Variants in ST7 observed in about 807,000 individuals in gnomAD.
The protein encoded by ST7 is suppression of tumorigenicity 7.
ST7 carries 28 observed loss-of-function variants against 78.7 expected under a neutral mutation model. That is an observed-to-expected ratio of 0.36 (90% CI 0.26 to 0.49). The LOEUF (loss-of-function observed/expected upper bound fraction) is 0.49, where lower values mean the gene tolerates loss of function less well. ST7 is among the 20% of genes least tolerant of loss of function. The probability of loss-of-function intolerance (pLI) is 0.99; values close to 1 mark genes in which losing one functional copy is unlikely to be tolerated. For missense variants in ST7, 418 were observed against 696.0 expected (o/e 0.60, Z 4.49); for synonymous variants, 247 against 249.6 (o/e 0.99, Z 0.10).
At chr7:116,974,718 T>C (rs1329944616) in intron 1 of ST7, among the ~76,000 whole-genome samples, 1 of 152,240 alleles carries the variant, frequency 6.6e-6, no homozygotes, top group Non-Finnish European at 1.5e-5. Context: ...GCATTCATGA[T>C]GACAGTATAT....
rs1267338765 is a variant in ST7 at position 116,965,952 on chromosome 7, T to C, written c.151+12261T>C. 8 of 326,974 alleles carry C rather than the reference T, an allele frequency of 2.4e-5. No homozygotes were observed. The East Asian group carries it at 6.4e-4, about 26-fold the overall frequency. The allele number at this position is 326,974 out of a possible 1,614,324, so 20.3% of individuals were successfully genotyped here. A position where few individuals can be genotyped will look rare whatever the true frequency, so the allele number is the denominator to read the frequency against. ...GGATCTAGCAGGGGAAATGTAGTTG[T>C]ATAGTAGTGGTCACAGGCAAGAGAT... On this transcript the variant is annotated intron_variant, in intron 1 of 15. Coordinates refer to ENST00000323984, the MANE Select transcript of ST7 (RefSeq NM_001369598.1).
chr7:117,003,246 C>T (rs1795020784), intron 1 of ST7, among the ~76,000 whole-genome samples: 1 of 151,710 alleles, frequency 6.6e-6, no homozygotes, highest in South Asian at 2.1e-4. Flanking sequence ...ATCTTTCCAT[C>T]TCAGCCTCCC....
chr7:117,171,030 C>T, intron 10 of ST7, 54 bp downstream of exon 10: 2 of 1,240,904 alleles, frequency 1.6e-6, no homozygotes, highest in Non-Finnish European at 1.1e-6. Flanking sequence ...GATGTATTTT[C>T]CCTGATTAGA....
intron 1 of ST7, among the ~76,000 whole-genome samples, chr7:117,027,845 A>G (rs1279686588): frequency 6.6e-6 from 1 of 152,220 alleles, no homozygotes; most frequent in African/African-American, 2.4e-5. Context: ...TCAGTTGACA[A>G]TAAATCCCCA....
intron 9 of ST7, among the ~76,000 whole-genome samples, chr7:117,148,072 A>G (rs976449589): frequency 1.3e-5 from 2 of 152,200 alleles, no homozygotes; most frequent in Admixed American, 6.5e-5. Context: ...CAAATCTCAT[A>G]TATCAGCTTA....
intron 2 of ST7, among the ~76,000 whole-genome samples, chr7:117,114,138 A>C (rs1802657942): frequency 6.6e-6 from 1 of 152,076 alleles, no homozygotes; most frequent in African/African-American, 2.4e-5. Flanking sequence ...GTGGCTGCAG[A>C]GGGATTGGCT....
chr7:116,983,249 G>A (rs572616569), intron 1 of ST7, among the ~76,000 whole-genome samples: 223 of 152,272 alleles, frequency 1.5e-3, no homozygotes, highest in African/African-American at 5.1e-3. Flanking sequence ...GAAATTATAA[G>A]TTCATATTGA....
intron 1 of ST7, among the ~76,000 whole-genome samples, chr7:116,956,178 G>A (rs536826826): frequency 1.3e-4 from 20 of 152,352 alleles, no homozygotes; most frequent in African/African-American, 3.8e-4. Flanking sequence ...TTAAGTAACA[G>A]TGAGAAGTTA....
rs540366353 is a variant in ST7 at position 117,135,060 on chromosome 7, G to A, written c.710+868G>A. ...CTGTTTATTTTCTCTCTTGTGGTCT[G>A]ATGGAAATAAGTAGGGAAATGGCCA... On this transcript the variant is annotated intron_variant, in intron 7 of 15. Transcript: ENST00000323984. Among the ~76,000 whole-genome samples the A allele has an allele frequency of 2.6e-5, 4 of 152,168 alleles. No homozygotes were observed. In the South Asian group the frequency reaches 8.3e-4, roughly 32 times the overall value.
At chr7:117,065,204 C>CTT (rs11363365) in intron 1 of ST7, among the ~76,000 whole-genome samples, 19 of 91,774 alleles carry the variant, frequency 2.1e-4, no homozygotes, top group South Asian at 4.1e-4. Context: ...TGGTTCAAGT[C>CTT]TTTTTTTTTT....
chr7:117,036,700 C>CATGGTATGATATATCATATACAT (rs1796914673), intron 1 of ST7, among the ~76,000 whole-genome samples: 1 of 152,080 alleles, frequency 6.6e-6, no homozygotes, highest in Non-Finnish European at 1.5e-5. Flanking sequence ...ATCATATTCC[C>CATGGTATGATATATCATATACAT]ATGGTATGAT....
chr7:117,148,357 G>A (rs1266016763), intron 9 of ST7, among the ~76,000 whole-genome samples: 15 of 152,042 alleles, frequency 9.9e-5, no homozygotes, highest in Admixed American at 9.8e-4. Flanking sequence ...CTGGTTTATT[G>A]TTGTCTAAAT....
At chr7:117,141,603 G>A (rs1042995033) in intron 9 of ST7, among the ~76,000 whole-genome samples, 1 of 152,158 alleles carries the variant, frequency 6.6e-6, no homozygotes, top group African/African-American at 2.4e-5. Context: ...ACTGCTGAAG[G>A]AATATTTTGG....
chr7:117,190,994 A>G lies in ST7; in HGVS notation c.1254+58A>G. On this transcript the variant is annotated intron_variant, in intron 12 of 15. Coordinates refer to ENST00000323984, the MANE Select transcript of ST7 (RefSeq NM_001369598.1). The surrounding 1 kb of genome is among the most constrained non-coding windows in gnomAD (Gnocchi z 5.2). Reference sequence around the variant, plus strand: ...ATGATAGCAGAGAAAGCATTCATTGACCACAGTGTTGTATCTCAAGTACAC... The same window carrying G: ...ATGATAGCAGAGAAAGCATTCATTGGCCACAGTGTTGTATCTCAAGTACAC... 3 of 1,365,108 alleles carry G rather than the reference A, an allele frequency of 2.2e-6. No homozygotes were observed. Among genetic ancestry groups the G allele is most frequent in the Non-Finnish European group, 3.1e-6 (3 of 954,658 alleles). The allele number at this position is 1,365,108 out of a possible 1,614,324, so 84.6% of individuals were successfully genotyped here.
intron 13 of ST7, among the ~76,000 whole-genome samples, chr7:117,211,685 G>T (rs3757812): frequency 6.6e-6 from 1 of 151,826 alleles, no homozygotes; most frequent in Non-Finnish European, 1.5e-5. Flanking sequence ...TAGAAAAATG[G>T]CATCACCATA....
At chr7:117,166,890 C>CAA (rs34604154) in intron 9 of ST7, among the ~76,000 whole-genome samples, 5,359 of 120,892 alleles carry the variant, frequency 0.044, 362 homozygotes, top group African/African-American at 0.15. Flanking sequence ...CTCTGTCTCT[C>CAA]AAAAAAAAAA....
chr7:117,208,107 T>G (rs1791947032), intron 12 of ST7, among the ~76,000 whole-genome samples: 1 of 152,136 alleles, frequency 6.6e-6, no homozygotes, highest in African/African-American at 2.4e-5. Flanking sequence ...ATGGCTGATA[T>G]TCATTATAAA....
intron 9 of ST7, among the ~76,000 whole-genome samples, chr7:117,152,537 C>T (rs1806371762): frequency 1.3e-5 from 2 of 152,072 alleles, no homozygotes; most frequent in African/African-American, 2.4e-5. Context: ...GCCAGCCATT[C>T]CTCCCACCTG....
Position 117,221,043 on chromosome 7 carries a change from C to G in ST7, c.1499-880C>G, listed in dbSNP as rs577225040. Among the ~76,000 whole-genome samples, 11 of 152,252 alleles carry G rather than the reference C, an allele frequency of 7.2e-5. 1 individual carries two copies. The highest frequency in any genetic ancestry group is 2.6e-4 in the African/African-American group (11 of 41,548). On this transcript the variant is annotated intron_variant, in intron 14 of 15. Transcript: ENST00000323984. ...ACGTGCAGTTTCACAGCCTCTCCCC[C>G]AGCACCCCCAGCAGGTGGCTCTTTC...
Sources: allele counts gnomAD v4.1 joint callset (sites outside exome capture counted in the v4.1 genomes callset), GRCh38; gene constraint gnomAD v4.1.1; non-coding constraint Gnocchi (gnomAD v3.1); transcripts MANE v1.5; gene names NCBI Gene and HGNC (gene_info 2026-07-23, HGNC 2026-07-21).